DRICH1: variants seen among roughly 807,000 people sequenced by gnomAD.
DRICH1 encodes the protein aspartate rich 1, also known as aspartate-rich protein 1.
DRICH1 carries 38 observed loss-of-function variants against 39.5 expected under a neutral mutation model. The observed-to-expected ratio is 0.96, with a 90% CI of 0.74 to 1.26. The LOEUF (loss-of-function observed/expected upper bound fraction) is 1.26, where lower values mean the gene tolerates loss of function less well. DRICH1 is among the 50% of genes most tolerant of loss of function. The probability of loss-of-function intolerance (pLI) is 0.00; values close to 1 mark genes in which losing one functional copy is unlikely to be tolerated. For synonymous variants in DRICH1, 84 were observed against 99.5 expected (o/e 0.84, Z 0.93); for missense variants, 279 against 270.4 (o/e 1.03, Z -0.22).
intron 1 of DRICH1, among the ~76,000 whole-genome samples, chr22:23,628,972 G>A (rs903135715): frequency 1.3e-5 from 2 of 152,190 alleles, no homozygotes; most frequent in Admixed American, 6.5e-5. Context: ...CTACTCAGAA[G>A]GGGTCTCAGA....
At chr22:23,623,051 C>T (rs1181507503) in intron 3 of DRICH1, among the ~76,000 whole-genome samples, 1 of 152,176 alleles carries the variant, frequency 6.6e-6, no homozygotes, top group African/African-American at 2.4e-5. Context: ...TTTTGGTTAA[C>T]TAGCTTACAT....
intron 3 of DRICH1, chr22:23,624,293 A>G: frequency 1.0e-6 from 1 of 985,352 alleles, no homozygotes; most frequent in South Asian, 4.7e-5. Flanking sequence ...TGGCACAGGC[A>G]GAAAAGAGCA....
chr22:23,608,371 C>T (rs1926849810), downstream of DRICH1: 1 of 229,248 alleles, frequency 4.4e-6, no homozygotes, highest in Non-Finnish European at 8.7e-6. Flanking sequence ...AGAAGGTGAC[C>T]CAGATCGCCA....
intron 5 of DRICH1, among the ~76,000 whole-genome samples, chr22:23,620,020 A>G (rs187690596): frequency 4.0e-4 from 61 of 152,328 alleles, no homozygotes; most frequent in African/African-American, 1.4e-3. Context: ...CCAGAGGCAG[A>G]AAAGAGCAGG....
chr22:23,611,065 G>A (rs1431578032), intron 11 of DRICH1, among the ~76,000 whole-genome samples: 6 of 152,034 alleles, frequency 3.9e-5, no homozygotes, highest in Non-Finnish European at 8.8e-5. Flanking sequence ...GCTTCAGCAA[G>A]ACCAATTTCT....
Position 23,632,197 on chromosome 22 carries a change from A to C in DRICH1, c.-174T>G. On this transcript the variant is annotated 5_prime_UTR_variant, in exon 1 of 12. The change abolishes the stop of an existing upstream ORF in the 5' untranslated region. Transcript: ENST00000317749. ...CGCCACCTCCCAAACTAGCTGGTCT[A>C]TGAGGTCAGGGACCTGCTGTCTTCT... 9.3e-7 allele frequency: 1 copy of C among 1,071,128 alleles called. No individual in the cohort carries two copies. The highest frequency in any genetic ancestry group is 1.3e-6 in the Non-Finnish European group (1 of 759,314). 66.4% of individuals were successfully genotyped at this position (1,071,128 alleles called of 1,614,324 possible).
At chr22:23,582,555 C>CTTATTATTATTATTATTATTATTATTA in the DRICH1 span, among the ~76,000 whole-genome samples, 188 of 143,874 alleles carry the variant, frequency 1.3e-3, 1 homozygote, top group Middle Eastern at 3.6e-3. Flanking sequence ...CCTTCAGGGG[C>CTTATTATTATTATTATTATTATTATTA]TTATTATTAT....
chr22:23,595,790 C>T, the DRICH1 span, among the ~76,000 whole-genome samples: 3,439 of 152,196 alleles, frequency 0.023, 144 homozygotes, highest in African/African-American at 0.079. Context: ...ATAGCTCCTT[C>T]TCCTCCACTC....
At chr22:23,597,195 C>T in the DRICH1 span, among the ~76,000 whole-genome samples, 2 of 144,710 alleles carry the variant, frequency 1.4e-5, no homozygotes, top group Admixed American at 6.9e-5. Context: ...TCCATCCCTC[C>T]CTCATTTAAA....
chr22:23,589,199 C>A, the DRICH1 span, among the ~76,000 whole-genome samples: 6 of 151,674 alleles, frequency 4.0e-5, no homozygotes, highest in African/African-American at 1.5e-4. Context: ...GCCTATAATC[C>A]CAGCACTTTG....
intron 4 of DRICH1, among the ~76,000 whole-genome samples, chr22:23,621,673 G>A (rs572222558): frequency 7.2e-5 from 11 of 152,190 alleles, no homozygotes; most frequent in East Asian, 5.8e-4. Context: ...CAGCACTTTC[G>A]GAAGCCGAGG....
At chr22:23,619,013 T>A (rs1305196415) in intron 6 of DRICH1, among the ~76,000 whole-genome samples, 5 of 151,572 alleles carry the variant, frequency 3.3e-5, no homozygotes, top group Admixed American at 2.6e-4. Context: ...CTCTACTAAA[T>A]CTTCAAAAAT....
At chr22:23,589,744 C>G in the DRICH1 span, among the ~76,000 whole-genome samples, 1 of 152,154 alleles carries the variant, frequency 6.6e-6, no homozygotes, top group Non-Finnish European at 1.5e-5. Flanking sequence ...ACTGTTTCTA[C>G]TACCCACTGG....
chr22:23,600,017 T>A, the DRICH1 span, among the ~76,000 whole-genome samples: 10 of 151,706 alleles, frequency 6.6e-5, no homozygotes, highest in Non-Finnish European at 1.5e-4. Context: ...TGTCAGAGGG[T>A]TTGTGGAAGG....
At chr22:23,601,752 G>A in the DRICH1 span, among the ~76,000 whole-genome samples, 606 of 150,986 alleles carry the variant, frequency 4.0e-3, no homozygotes, top group African/African-American at 0.014. Context: ...AACTGCATGA[G>A]AAGCTGCAAT....
intron 6 of DRICH1, among the ~76,000 whole-genome samples, chr22:23,618,243 A>G (rs1927490612): frequency 1.3e-5 from 2 of 151,006 alleles, no homozygotes; most frequent in African/African-American, 4.9e-5. Flanking sequence ...CTTCCCGAGT[A>G]GCTGGGACTA....
At chr22:23,586,011 T>G in the DRICH1 span, among the ~76,000 whole-genome samples, 1 of 152,250 alleles carries the variant, frequency 6.6e-6, no homozygotes, top group Non-Finnish European at 1.5e-5. Context: ...TTGAATGCAG[T>G]GTTCTATATG....
In DRICH1 at chr22:23,613,584, C is replaced by A. The variant is rs905878474; in HGVS notation, c.643+55G>T. On this transcript the variant is annotated intron_variant, in intron 10 of 11. Coordinates refer to ENST00000317749, the MANE Select transcript of DRICH1 (RefSeq NM_016449.4). ...AGGACCCCAGAATCAGGTTTCTATA[C>A]ACTGAAGCTAGCAAGTTTTTTCCCT... 155 of 1,407,220 alleles carry A rather than the reference C, an allele frequency of 1.1e-4. No homozygotes were observed. In the South Asian group the frequency reaches 1.7e-3, roughly 15 times the overall value. 87.2% of individuals were successfully genotyped at this position (1,407,220 alleles called of 1,614,324 possible). A position where few individuals can be genotyped will look rare whatever the true frequency, so the allele number is the denominator to read the frequency against.
the DRICH1 span, among the ~76,000 whole-genome samples, chr22:23,587,192 C>T: frequency 6.6e-6 from 1 of 152,156 alleles, no homozygotes; most frequent in Non-Finnish European, 1.5e-5. Context: ...GGTGCCCCTC[C>T]CCCCATGCTT....
Sources: allele counts gnomAD v4.1 joint callset (sites outside exome capture counted in the v4.1 genomes callset), GRCh38; gene constraint gnomAD v4.1.1; transcripts MANE v1.5; gene names NCBI Gene and HGNC (gene_info 2026-07-23, HGNC 2026-07-21).